The following TTL variants were observed in gnomAD, a reference collection of about 807,000 sequenced individuals.
The protein encoded by TTL is tubulin--tyrosine ligase.
TTL carries 10 observed loss-of-function variants against 41.1 expected under a neutral mutation model. That is an observed-to-expected ratio of 0.24 (90% CI 0.15 to 0.41). The LOEUF (loss-of-function observed/expected upper bound fraction) is 0.41. Among genes scored for constraint, TTL ranks in the 10% least tolerant of loss-of-function variants. The pLI is 1.00. For synonymous variants in TTL, 175 were observed against 175.5 expected (o/e 1.00, Z 0.02); for missense variants, 367 against 460.4 (o/e 0.80, Z 1.86).
rs1682635611 is a variant in TTL, at chr2:112,538,328, A to G, written c.*9533A>G. On this transcript the variant is annotated 3_prime_UTR_variant, in exon 7 of 7. Coordinates refer to ENST00000233336, the MANE Select transcript of TTL (RefSeq NM_153712.5). ...CAAAGATGTCACAAGAAAAGCAAAT[A>G]GCAGACCAATAATCTCTTGGGAATA... 6.6e-6 allele frequency: 1 copy of G among 152,256 alleles called. No individual in the cohort carries two copies. Among genetic ancestry groups the G allele is most frequent in the African/African-American group, 2.4e-5 (1 of 41,470 alleles). 9.4% of individuals were successfully genotyped at this position (152,256 alleles called of 1,614,324 possible). A position where few individuals can be genotyped will look rare whatever the true frequency, so the allele number is the denominator to read the frequency against.
At chr2:112,487,050 G>A (rs1681259104) in intron 2 of TTL, among the ~76,000 whole-genome samples, 1 of 152,156 alleles carries the variant, frequency 6.6e-6, no homozygotes. Flanking sequence ...ACTGGGTCGG[G>A]CCACTAAAAT....
chr2:112,503,805 CTTTT>C lies in TTL; in HGVS notation c.875+641_875+644del, dbSNP rs70963002. On this transcript the variant is annotated intron_variant, in intron 5 of 6. Transcript: ENST00000233336. ...TTCTCATTCTTTTATCCGTAAACTT[CTTTT>C]TTTTTTTTTTTTTTTTATTATACTC... Among the ~76,000 whole-genome samples the C allele has an allele frequency of 9.9e-3, 1,015 of 102,518 alleles. 8 individuals carry two copies. Among genetic ancestry groups the C allele is most frequent in the African/African-American group, 0.034 (904 of 26,408 alleles). The allele number at this position is 102,518 out of a possible 152,430, so 67.3% of individuals were successfully genotyped here. A position where few individuals can be genotyped will look rare whatever the true frequency, so the allele number is the denominator to read the frequency against.
intron 3 of TTL, among the ~76,000 whole-genome samples, chr2:112,498,238 G>A (rs1681588350): frequency 6.6e-6 from 1 of 152,172 alleles, no homozygotes; most frequent in East Asian, 1.9e-4. Context: ...TGGGAGAATC[G>A]CTTGAACCCA....
At chr2:112,528,636 A>G in intron 6 of TTL, 45 bp from the exon 7 acceptor site, 1 of 1,513,598 alleles carries the variant, frequency 6.6e-7, no homozygotes, top group South Asian at 1.1e-5. Context: ...TTTTGCTTGT[A>G]CTTTGATGAA....
chr2:112,498,981 C>T (rs888003100), intron 3 of TTL, among the ~76,000 whole-genome samples: 1 of 151,588 alleles, frequency 6.6e-6, no homozygotes, highest in Non-Finnish European at 1.5e-5. Context: ...TATTTTAGAG[C>T]TATAGTACTT....
chr2:112,502,895 T>C lies in TTL; in HGVS notation c.606-17T>C. On this transcript the variant is annotated splice_polypyrimidine_tract_variant and intron_variant, in intron 4 of 6. Transcript: ENST00000233336. ...TTTGGATGACTTGAGTAAAGCAGTG[T>C]TTTTGTTGAATTGCAGAAGCTGGGT... 6.3e-7 allele frequency: 1 copy of C among 1,595,876 alleles called. No individual in the cohort carries two copies. The highest frequency in any genetic ancestry group is 2.2e-5 in the East Asian group (1 of 44,646).
intron 2 of TTL, among the ~76,000 whole-genome samples, chr2:112,486,618 G>A (rs554525592): frequency 6.6e-6 from 1 of 152,328 alleles, no homozygotes; most frequent in South Asian, 2.1e-4. Flanking sequence ...GTTGGATTAT[G>A]GCTAGGTATC....
intron 2 of TTL, among the ~76,000 whole-genome samples, chr2:112,487,924 A>T (rs760240738): frequency 7.2e-5 from 11 of 152,224 alleles, no homozygotes; most frequent in Non-Finnish European, 1.3e-4. Context: ...CCTTGATTTT[A>T]TAGGACAAAG....
At chr2:112,502,148 G>A (rs975858335) in intron 4 of TTL, among the ~76,000 whole-genome samples, 4 of 152,300 alleles carry the variant, frequency 2.6e-5, no homozygotes, top group South Asian at 2.1e-4. Context: ...AAGCTAAACA[G>A]CCCTCCCTCT....
At position 112,539,762 on chromosome 2, in the gene TTL, T is replaced by C. The variant is rs995115452; in HGVS notation, c.*10967T>C. On this transcript the variant is annotated 3_prime_UTR_variant, in exon 7 of 7. Coordinates refer to ENST00000233336, the MANE Select transcript of TTL (RefSeq NM_153712.5). ...TGATCTCTCTTTGCAGACGACAAGA[T>C]ACCATATAGAAAAAGTCCTAAGAAA... 1 of 152,214 alleles carries C rather than the reference T, an allele frequency of 6.6e-6. No individual in the cohort carries two copies. Among genetic ancestry groups the C allele is most frequent in the Non-Finnish European group, 1.5e-5 (1 of 68,040 alleles). 9.4% of individuals were successfully genotyped at this position (152,214 alleles called of 1,614,324 possible). A position where few individuals can be genotyped will look rare whatever the true frequency, so the allele number is the denominator to read the frequency against.
At chr2:112,484,636 G>T (rs1681191318) in intron 1 of TTL, among the ~76,000 whole-genome samples, 1 of 152,138 alleles carries the variant, frequency 6.6e-6, no homozygotes. Context: ...ACTGTTAAGG[G>T]ATATTTACCT....
At chr2:112,502,794 T>A (rs747550346) in intron 4 of TTL, 118 bp from the exon 5 acceptor site, 415 of 1,062,266 alleles carry the variant, frequency 3.9e-4, no homozygotes, top group Non-Finnish European at 4.8e-4. Context: ...CCTCCTTCCC[T>A]AGTTGCCTCC....
At chr2:112,484,232 G>A (rs1433310741) in intron 1 of TTL, among the ~76,000 whole-genome samples, 2 of 145,618 alleles carry the variant, frequency 1.4e-5, no homozygotes, top group African/African-American at 5.0e-5. Context: ...TTGTTTGTAT[G>A]TGTTTTTTTT....
At chr2:112,491,544 C>G (rs921008630) in intron 2 of TTL, among the ~76,000 whole-genome samples, 1 of 152,142 alleles carries the variant, frequency 6.6e-6, no homozygotes, top group Non-Finnish European at 1.5e-5. Context: ...ATTTTTAAGT[C>G]TTTTCCTTAA....
Position 112,482,431 on chromosome 2 carries a change from G to T in TTL, c.87G>T (p.Arg29Ser). 3 of 1,610,950 alleles carry T rather than the reference G, an allele frequency of 1.9e-6. No homozygotes were observed. The highest frequency in any genetic ancestry group is 2.5e-6 in the Non-Finnish European group (3 of 1,178,944). ...TCCTCGCCACCGGCCACTGGAAGAGGCTGCGGCGAGACAACCCCAGATTCA... is the reference window on the plus strand; with the variant it reads ...TCCTCGCCACCGGCCACTGGAAGAGTCTGCGGCGAGACAACCCCAGATTCA... Reference protein sequence around the residue: ...RLLLATGHWKRLRRDNPRFNL... With the variant: ...RLLLATGHWKSLRRDNPRFNL... The change falls in exon 1 of 7, where the codon AGG becomes AGT. Residue 29 changes from arginine to serine, a missense_variant. Transcript: ENST00000233336. The surrounding 1 kb of genome is among the most constrained non-coding windows in gnomAD (Gnocchi z 5.3).
intron 2 of TTL, among the ~76,000 whole-genome samples, chr2:112,487,266 A>G (rs1170718032): frequency 1.3e-5 from 2 of 151,762 alleles, no homozygotes; most frequent in African/African-American, 2.4e-5. Flanking sequence ...TTATGTACCC[A>G]CTCCTCTCTG....
rs1682474039 is a variant in TTL, at chr2:112,530,286, T to A, written c.*1491T>A. ...AAAAGGCAATAATGATAGAAATTATTTCTTAGGTACAGCAATAGTTGATAG... is the reference window on the plus strand; with the variant it reads ...AAAAGGCAATAATGATAGAAATTATATCTTAGGTACAGCAATAGTTGATAG... On this transcript the variant is annotated 3_prime_UTR_variant, in exon 7 of 7. Coordinates refer to ENST00000233336, the MANE Select transcript of TTL (RefSeq NM_153712.5). The A allele has an allele frequency of 4.3e-6, 1 of 231,696 alleles. No individual in the cohort carries two copies. Among genetic ancestry groups the A allele is most frequent in the South Asian group, 1.8e-4 (1 of 5,524 alleles). The allele number at this position is 231,696 out of a possible 1,614,324, so 14.4% of individuals were successfully genotyped here.
chr2:112,497,474 T>C (rs2458990), intron 3 of TTL, among the ~76,000 whole-genome samples: 3 of 152,252 alleles, frequency 2.0e-5, no homozygotes, highest in Non-Finnish European at 2.9e-5. Flanking sequence ...TGACGAACTT[T>C]TACTAAAAGT....
intron 5 of TTL, among the ~76,000 whole-genome samples, chr2:112,518,926 C>T (rs894186789): frequency 2.6e-5 from 4 of 152,122 alleles, no homozygotes; most frequent in Non-Finnish European, 2.9e-5. Context: ...CCACCCGCCT[C>T]GGCCTCCCAA....
Sources: gnomAD v4.1 joint callset for allele counts (sites outside exome capture counted in the v4.1 genomes callset) on GRCh38, gnomAD v4.1.1 for gene constraint, Gnocchi (gnomAD v3.1) non-coding constraint, MANE v1.5 for transcripts, NCBI Gene and HGNC (gene_info 2026-07-23, HGNC 2026-07-21) for gene names.